The following TENM2 variants were observed in gnomAD, a reference collection of about 807,000 sequenced individuals.
The protein encoded by TENM2 is teneurin transmembrane protein 2.
A neutral mutation model predicts 245.2 loss-of-function variants in TENM2; 52 were observed. The ratio of observed to expected loss-of-function variants is 0.21; its 90% CI spans 0.17 to 0.27. The LOEUF is 0.27. Among genes scored for constraint, TENM2 ranks in the 10% least tolerant of loss-of-function variants. The pLI is 1.00. For missense variants in TENM2, 3,046 were observed against 3,666.8 expected (o/e 0.83, Z 4.37); for synonymous variants, 1,363 against 1,438.9 (o/e 0.95, Z 1.19).
At chr5:167,141,334 A>G in the TENM2 span, among the ~76,000 whole-genome samples, 1 of 152,252 alleles carries the variant, frequency 6.6e-6, no homozygotes, top group Non-Finnish European at 1.5e-5. Flanking sequence ...CTTGATGGAA[A>G]TGATTGTGTA....
chr5:167,984,393 C>G (rs547767406), intron 4 of TENM2, among the ~76,000 whole-genome samples: 1 of 152,174 alleles, frequency 6.6e-6, no homozygotes, highest in African/African-American at 2.4e-5. Context: ...TGCAGTGGCT[C>G]ATGCCCGTAA....
At chr5:168,201,423 C>T (rs528362292) in intron 17 of TENM2, among the ~76,000 whole-genome samples, 124 of 151,994 alleles carry the variant, frequency 8.2e-4, no homozygotes, top group African/African-American at 2.8e-3. Context: ...TATTGTAATT[C>T]ACTTCCATAC....
the TENM2 span, among the ~76,000 whole-genome samples, chr5:167,213,760 AC>A: frequency 6.6e-6 from 1 of 152,216 alleles, no homozygotes; most frequent in African/African-American, 2.4e-5. Context: ...TGTATATAAA[AC>A]AAATATGTGC....
chr5:168,023,962 A>G (rs1862419), intron 5 of TENM2, among the ~76,000 whole-genome samples: 1 of 152,098 alleles, frequency 6.6e-6, no homozygotes, highest in South Asian at 2.1e-4. Context: ...TGTGACGTAT[A>G]TATAAGATGT....
chr5:167,695,079 C>T (rs760475370), intron 2 of TENM2, among the ~76,000 whole-genome samples: 2 of 152,158 alleles, frequency 1.3e-5, no homozygotes, highest in Non-Finnish European at 2.9e-5. Flanking sequence ...TTGTGGGAAT[C>T]GGATCCCCAG....
chr5:167,627,158 A>C (rs1223264387), intron 2 of TENM2, among the ~76,000 whole-genome samples: 1 of 152,228 alleles, frequency 6.6e-6, no homozygotes, highest in Non-Finnish European at 1.5e-5. Context: ...CATTTTCCAA[A>C]AGTTTAAACC....
chr5:167,924,814 G>C (rs1349985315), intron 3 of TENM2, among the ~76,000 whole-genome samples: 1 of 152,064 alleles, frequency 6.6e-6, no homozygotes, highest in Non-Finnish European at 1.5e-5. Context: ...CATGCCTTCA[G>C]GTAGAAAGGG....
intron 11 of TENM2, 64 bp downstream of exon 13, chr5:168,125,114 CAGAT>C (rs1341701466): frequency 3.0e-6 from 4 of 1,350,914 alleles, no homozygotes; most frequent in East Asian, 2.5e-5. Flanking sequence ...ATCCCATTCT[CAGAT>C]GGATGGGAAT....
the TENM2 span, among the ~76,000 whole-genome samples, chr5:167,063,972 A>G: frequency 6.6e-6 from 1 of 152,150 alleles, no homozygotes; most frequent in Admixed American, 6.6e-5. Flanking sequence ...TTGAATGTGA[A>G]TGGAGGACAT....
intron 4 of TENM2, among the ~76,000 whole-genome samples, chr5:167,959,910 G>A (rs547835119): frequency 3.0e-4 from 46 of 152,226 alleles, no homozygotes; most frequent in African/African-American, 9.9e-4. Flanking sequence ...TTTGTTGATG[G>A]TGATGCTATT....
At chr5:167,255,275 G>A in the TENM2 span, among the ~76,000 whole-genome samples, 21 of 151,928 alleles carry the variant, frequency 1.4e-4, no homozygotes, top group African/African-American at 5.1e-4. Flanking sequence ...TTTCTTTGTT[G>A]TAATGTCTTT....
chr5:168,199,483 G>A (rs1761749470), intron 16 of TENM2, among the ~76,000 whole-genome samples: 1 of 152,196 alleles, frequency 6.6e-6, no homozygotes, highest in African/African-American at 2.4e-5. Flanking sequence ...TTGCCTCCCT[G>A]TTGCTTTATA....
intron 9 of TENM2, among the ~76,000 whole-genome samples, chr5:168,101,914 C>T (rs1793845369): frequency 6.6e-6 from 1 of 152,158 alleles, no homozygotes; most frequent in Admixed American, 6.5e-5. Context: ...TCCCCTCATT[C>T]TAAAGCCTTC....
intron 1 of TENM2, among the ~76,000 whole-genome samples, chr5:167,339,327 A>C (rs1239060468): frequency 1.3e-5 from 2 of 152,184 alleles, no homozygotes; most frequent in Non-Finnish European, 2.9e-5. Context: ...TAAAGAAGGA[A>C]GGGCTGACAG....
At position 167,406,371 on chromosome 5, in the gene TENM2, A is replaced by G. The variant is rs557823978; in HGVS notation, c.502+30898A>G. Among the ~76,000 whole-genome samples the G allele has an allele frequency of 9.1e-4, 139 of 152,282 alleles. 1 individual carries two copies. Among genetic ancestry groups the G allele is most frequent in the Middle Eastern group, 3.4e-3 (1 of 294 alleles). On this transcript the variant is annotated intron_variant, in intron 2 of 28. Transcript: ENST00000518659. ...ATATTCATAGAATTAAGTATTATCAATGGACTTAAAGAGCTCAATTATTTT... is the reference window on the plus strand; with the variant it reads ...ATATTCATAGAATTAAGTATTATCAGTGGACTTAAAGAGCTCAATTATTTT...
the TENM2 span, among the ~76,000 whole-genome samples, chr5:167,069,258 A>G: frequency 2.0e-5 from 3 of 152,238 alleles, no homozygotes; most frequent in Non-Finnish European, 4.4e-5. Context: ...CTGGATTTTT[A>G]TAGGTTTTTC....
At chr5:168,107,676 G>A (rs1794363660) in intron 9 of TENM2, among the ~76,000 whole-genome samples, 1 of 152,140 alleles carries the variant, frequency 6.6e-6, no homozygotes, top group Admixed American at 6.6e-5. Flanking sequence ...ACCTCCCACT[G>A]AGGCCTGAAC....
At chr5:168,163,553 T>A (rs1051358637) in intron 13 of TENM2, among the ~76,000 whole-genome samples, 1 of 152,174 alleles carries the variant, frequency 6.6e-6, no homozygotes, top group African/African-American at 2.4e-5. Flanking sequence ...ATCACCACCA[T>A]CAAGGCCATA....
chr5:168,091,085 T>C (rs1227150546), intron 8 of TENM2, among the ~76,000 whole-genome samples: 1 of 152,012 alleles, frequency 6.6e-6, no homozygotes, highest in Non-Finnish European at 1.5e-5. Context: ...CATAGTAAAA[T>C]AGGAACTAAC....
Sources: gnomAD v4.1 joint callset for allele counts (sites outside exome capture counted in the v4.1 genomes callset) on GRCh38, gnomAD v4.1.1 for gene constraint, MANE v1.5 for transcripts, NCBI Gene and HGNC (gene_info 2026-07-23, HGNC 2026-07-21) for gene names.